The following MEGF11 variants were observed in gnomAD, a reference collection of about 807,000 sequenced individuals.
The protein encoded by MEGF11 is multiple EGF like domains 11.
Under a neutral mutation model 146.6 loss-of-function variants are expected in MEGF11, and 126 were observed. That is an observed-to-expected ratio of 0.86 (90% confidence interval 0.74 to 1.00). The LOEUF (loss-of-function observed/expected upper bound fraction) is 1.00. MEGF11 is among the 50% of genes least tolerant of loss of function. The probability of loss-of-function intolerance (pLI) is 0.00; values close to 1 mark genes in which losing one functional copy is unlikely to be tolerated. For synonymous variants in MEGF11, 532 were observed against 583.4 expected, an observed-to-expected ratio of 0.91 and a Z score of 1.27; for missense variants, 1,509 against 1,521.2, an observed-to-expected ratio of 0.99 and a Z score of 0.13.
chr15:66,167,305 G>A (rs2090123340), intron 1 of MEGF11, among the ~76,000 whole-genome samples: 1 of 152,140 alleles, frequency 6.6e-6, no homozygotes. Flanking sequence ...GAAACCCTTG[G>A]TCCACATGCC....
intron 8 of MEGF11, among the ~76,000 whole-genome samples, chr15:65,965,596 C>CTTTT (rs1567180017): frequency 1.2e-3 from 17 of 14,614 alleles, no homozygotes; most frequent in African/African-American, 1.9e-3. Flanking sequence ...TTCTTTCTTT[C>CTTTT]TTTCTTTTTT....
At chr15:65,914,218 T>C in intron 19 of MEGF11, 1 of 558,282 alleles carries the variant, frequency 1.8e-6, no homozygotes, top group Non-Finnish European at 3.2e-6. Flanking sequence ...TAAATATTAT[T>C]TTACTCTGTT....
chr15:65,930,724 G>A lies in MEGF11; in HGVS notation c.1408+99C>T, dbSNP rs1405575826. ...CTCCCTGACCTTGCATGTGGGGGCG[G>A]GGGTTGGGGCAGCCCCACCTGAGAC... On this transcript the variant is annotated intron_variant, in intron 11 of 25. Transcript: ENST00000395614. 1.6e-5 allele frequency: 22 copies of A among 1,404,938 alleles called. No homozygotes were observed. The Admixed American group carries it at 5.4e-4, about 35-fold the overall frequency. 87.0% of individuals were successfully genotyped at this position (1,404,938 alleles called of 1,614,324 possible).
intron 1 of MEGF11, among the ~76,000 whole-genome samples, chr15:66,160,391 G>A (rs1420534322): frequency 6.6e-6 from 1 of 152,008 alleles, no homozygotes; most frequent in African/African-American, 2.4e-5. Flanking sequence ...GGAGATAAAA[G>A]GCCTAGTTCC....
In MEGF11 at chr15:65,971,588, C is replaced by T. The variant is rs1351037277; in HGVS notation, c.763-899G>A. 4.6e-5 allele frequency among the ~76,000 whole-genome samples: 7 copies of T among 152,158 alleles called. No individual in the cohort carries two copies. In the South Asian group the frequency reaches 6.2e-4, roughly 14 times the overall value. Reference sequence around the variant, plus strand: ...TGCTGCGCTCCTAAAGGCTGACTGCCGGACTGAACTCCCTGTGGCAGGAGG... The same window carrying T: ...TGCTGCGCTCCTAAAGGCTGACTGCTGGACTGAACTCCCTGTGGCAGGAGG... On this transcript the variant is annotated intron_variant, in intron 7 of 25. Coordinates refer to ENST00000395614, the MANE Select transcript of MEGF11 (RefSeq NM_001385028.1).
intron 5 of MEGF11, among the ~76,000 whole-genome samples, chr15:66,064,882 AGACAGGGTCT>A (rs2085055603): frequency 2.0e-5 from 3 of 152,140 alleles, no homozygotes; most frequent in African/African-American, 2.4e-5. Context: ...ATCATCTTAT[AGACAGGGTCT>A]AGATTCCTCC....
chr15:66,182,635 G>A (rs2090582369), intron 1 of MEGF11, among the ~76,000 whole-genome samples: 1 of 152,178 alleles, frequency 6.6e-6, no homozygotes, highest in South Asian at 2.1e-4. Flanking sequence ...GAAGGTCTCA[G>A]GGACTCTGAC....
intron 7 of MEGF11, among the ~76,000 whole-genome samples, chr15:65,980,395 C>CTTTTTTTTTTTTTTTTTTT (rs60154748): frequency 3.4e-5 from 3 of 88,184 alleles, no homozygotes; most frequent in African/African-American, 1.5e-4. Context: ...AAGAATTCAG[C>CTTTTTTTTTTTTTTTTTTT]TTTTTTTTTT....
intron 1 of MEGF11, among the ~76,000 whole-genome samples, chr15:66,170,180 G>A (rs529976050): frequency 6.6e-6 from 1 of 152,310 alleles, no homozygotes; most frequent in African/African-American, 2.4e-5. Flanking sequence ...CAGAACCTGG[G>A]TGCGTGTTAG....
chr15:66,239,422 C>A (rs907894), intron 1 of MEGF11, among the ~76,000 whole-genome samples: 151,678 of 152,336 alleles, frequency 1, 75,514 homozygotes, highest in Middle Eastern at 1. Flanking sequence ...ATGACTCCCC[C>A]CTGCCTACAG....
At chr15:66,118,591 T>C (rs2087850260) in intron 4 of MEGF11, among the ~76,000 whole-genome samples, 1 of 152,182 alleles carries the variant, frequency 6.6e-6, no homozygotes, top group African/African-American at 2.4e-5. Context: ...GTCCATCTCA[T>C]CTTTGCCCCC....
At chr15:65,947,757 A>G (rs759902458) in intron 10 of MEGF11, among the ~76,000 whole-genome samples, 18 of 152,282 alleles carry the variant, frequency 1.2e-4, no homozygotes, top group Admixed American at 2.0e-4. Context: ...ACTTGGACAA[A>G]AAGAAAACCG....
At chr15:66,186,336 C>T (rs140878930) in intron 1 of MEGF11, among the ~76,000 whole-genome samples, 71 of 152,150 alleles carry the variant, frequency 4.7e-4, no homozygotes, top group African/African-American at 1.6e-3. Context: ...CTGTCTGCCC[C>T]GGGACTGGCC....
intron 1 of MEGF11, among the ~76,000 whole-genome samples, chr15:66,151,468 C>G (rs1412022452): frequency 6.6e-6 from 1 of 152,190 alleles, no homozygotes; most frequent in African/African-American, 2.4e-5. Context: ...CAGTCACGGA[C>G]AGATCCCTCC....
At chr15:66,017,830 T>C (rs895057933) in intron 5 of MEGF11, among the ~76,000 whole-genome samples, 1 of 152,108 alleles carries the variant, frequency 6.6e-6, no homozygotes, top group African/African-American at 2.4e-5. Flanking sequence ...GAGAACCTGA[T>C]TTGTCAGGCA....
intron 1 of MEGF11, among the ~76,000 whole-genome samples, chr15:66,232,322 C>G (rs2091984609): frequency 6.6e-6 from 1 of 152,220 alleles, no homozygotes; most frequent in Non-Finnish European, 1.5e-5. Flanking sequence ...ACTCCCAGTC[C>G]TGGCCACCAG....
intron 1 of MEGF11, among the ~76,000 whole-genome samples, chr15:66,210,771 T>C (rs1025610735): frequency 2.0e-5 from 3 of 152,162 alleles, no homozygotes; most frequent in Admixed American, 2.0e-4. Flanking sequence ...TATGTCCTCC[T>C]CTCAGGAGCA....
In MEGF11 at chr15:66,182,154, C is replaced by A. The variant is rs116342078; in HGVS notation, c.-8-53743G>T. 2.7e-3 allele frequency among the ~76,000 whole-genome samples: 411 copies of A among 152,310 alleles called. 1 individual carries two copies. Among genetic ancestry groups the A allele is most frequent in the African/African-American group, 9.3e-3 (386 of 41,580 alleles). On this transcript the variant is annotated intron_variant, in intron 1 of 25. Coordinates refer to ENST00000395614, the MANE Select transcript of MEGF11 (RefSeq NM_001385028.1). ...CAGGTGGAATAGGGAAGGAGATAGA[C>A]ATGCCTTTTGATGATCTCGGGACCA...
At chr15:66,207,548 A>G (rs11639401) in intron 1 of MEGF11, among the ~76,000 whole-genome samples, 28,268 of 152,228 alleles carry the variant, frequency 0.19, 3,222 homozygotes, top group Admixed American at 0.26. Context: ...AAGAACTACT[A>G]AAGGAAGTCT....
Sources: allele counts gnomAD v4.1 joint callset (sites outside exome capture counted in the v4.1 genomes callset), GRCh38; gene constraint gnomAD v4.1.1; transcripts MANE v1.5; gene names NCBI Gene and HGNC (gene_info 2026-07-23, HGNC 2026-07-21).